The following TOP1 variants were observed in gnomAD, a reference collection of about 807,000 sequenced individuals.
The protein encoded by TOP1 is DNA topoisomerase 1.
TOP1 carries 10 observed loss-of-function variants against 111.1 expected under a neutral mutation model. The ratio of observed to expected loss-of-function variants is 0.09; its 90% confidence interval spans 0.06 to 0.15. The LOEUF (loss-of-function observed/expected upper bound fraction) is 0.15. TOP1 is among the 10% of genes least tolerant of loss of function. The pLI is 1.00. For synonymous variants in TOP1, 271 were observed against 302.9 expected, an observed-to-expected ratio of 0.89 and a Z score of 1.10; for missense variants, 474 against 926.7, an observed-to-expected ratio of 0.51 and a Z score of 6.34.
rs1213878863 is a variant in TOP1 at position 41,100,824 on chromosome 20, A to G, written c.1164-385A>G. The G allele has an allele frequency of 1.7e-5, 3 of 177,866 alleles. No homozygotes were observed. Among genetic ancestry groups the G allele is most frequent in the Non-Finnish European group, 3.6e-5 (3 of 83,514 alleles). 11.0% of individuals were successfully genotyped at this position (177,866 alleles called of 1,614,324 possible). A position where few individuals can be genotyped will look rare whatever the true frequency, so the allele number is the denominator to read the frequency against. On this transcript the variant is annotated intron_variant, in intron 12 of 20. Transcript: ENST00000361337. This position sits in a 1 kb window ranked among gnomAD's most constrained non-coding sequence, Gnocchi z 4.4. The stretch of plus-strand genomic sequence containing the variant: ...TAAGTAAAAGAAGGATTACTTGAAC[A>G]CAAGCAATGTAAAACCATTAAAGTC...
intron 2 of TOP1, among the ~76,000 whole-genome samples, chr20:41,050,460 TG>T: frequency 6.6e-6 from 1 of 152,340 alleles, no homozygotes; most frequent in Admixed American, 6.5e-5. Flanking sequence ...AACTATGCCC[TG>T]GAATTTTGGA....
intron 18 of TOP1, among the ~76,000 whole-genome samples, chr20:41,120,388 C>G (rs1282207635): frequency 6.6e-6 from 1 of 152,206 alleles, no homozygotes; most frequent in East Asian, 1.9e-4. Context: ...ATTCCAGGTT[C>G]AGTGAGCAGC....
chr20:41,101,907 A>T lies in TOP1; in HGVS notation c.1308+554A>T, dbSNP rs1027487520. 2.0e-5 allele frequency among the ~76,000 whole-genome samples: 3 copies of T among 152,228 alleles called. No homozygotes were observed. The highest frequency in any genetic ancestry group is 6.5e-5 in the Admixed American group (1 of 15,288). Reference sequence around the variant, plus strand: ...CATCATAAAACTGTGTTACATACCTATGCACTGTTATTTATTGATAGTGTT... The same window carrying T: ...CATCATAAAACTGTGTTACATACCTTTGCACTGTTATTTATTGATAGTGTT... On this transcript the variant is annotated intron_variant, in intron 13 of 20. Coordinates refer to ENST00000361337, the MANE Select transcript of TOP1 (RefSeq NM_003286.4). The surrounding 1 kb of genome is among the most constrained non-coding windows in gnomAD (Gnocchi z 4.1).
chr20:41,122,103 G>T lies in TOP1; in HGVS notation c.2143G>T (p.Ala715Ser), dbSNP rs1600608502. 3.1e-6 allele frequency: 5 copies of T among 1,614,136 alleles called. No homozygotes were observed. Among genetic ancestry groups the T allele is most frequent in the African/African-American group, 1.3e-5 (1 of 75,030 alleles). The change falls in exon 20 of 21, where the codon GCC (alanine) becomes TCC (serine). Residue 715 changes from alanine to serine, a missense_variant. Transcript: ENST00000361337. The surrounding 1 kb of genome is among the most constrained non-coding windows in gnomAD (Gnocchi z 5.4). ...ATDREENKQI[A>S]LGTSKLNYLD... ...AGACCGAGAGGAAAATAAACAGATTGCCCTGGGAACCTCCAAACTCAATTA... is the reference window on the plus strand; with the variant it reads ...AGACCGAGAGGAAAATAAACAGATTTCCCTGGGAACCTCCAAACTCAATTA...
chr20:41,086,962 G>T (rs562336055), intron 8 of TOP1, among the ~76,000 whole-genome samples: 1 of 152,328 alleles, frequency 6.6e-6, no homozygotes, highest in Admixed American at 6.5e-5. Flanking sequence ...CCAGTCCTCA[G>T]TGACTGCCAC....
At chr20:41,111,616 T>G (rs2145962801) in intron 13 of TOP1, among the ~76,000 whole-genome samples, 2 of 130,894 alleles carry the variant, frequency 1.5e-5, no homozygotes, top group South Asian at 5.8e-4. Context: ...TTTTTTTTTT[T>G]GATAGGGTCA....
At chr20:41,033,124 C>G (rs1568668353) in intron 2 of TOP1, among the ~76,000 whole-genome samples, 1 of 152,006 alleles carries the variant, frequency 6.6e-6, no homozygotes, top group African/African-American at 2.4e-5. Flanking sequence ...TCAGATCTCA[C>G]AAACAAATTT....
chr20:41,099,566 A>G (rs1188190016), intron 11 of TOP1, among the ~76,000 whole-genome samples: 1 of 152,176 alleles, frequency 6.6e-6, no homozygotes, highest in Non-Finnish European at 1.5e-5. Context: ...TTTTGGAGCA[A>G]GGATCATAGT....
chr20:41,036,832 C>CTT (rs56013409), intron 2 of TOP1, among the ~76,000 whole-genome samples: 67,158 of 127,840 alleles, frequency 0.53, 19,334 homozygotes, highest in East Asian at 0.79. Context: ...TCCTACTTTT[C>CTT]TTTTTTTTTT....
chr20:41,057,980 A>C (rs2145925096), intron 2 of TOP1, among the ~76,000 whole-genome samples: 1 of 152,348 alleles, frequency 6.6e-6, no homozygotes, highest in Non-Finnish European at 1.5e-5. Flanking sequence ...GTGGGAATCA[A>C]CTTAGCATTT....
intron 7 of TOP1, 103 bp downstream of exon 7, chr20:41,081,343 G>T (rs938962800): frequency 2.3e-5 from 31 of 1,362,856 alleles, no homozygotes; most frequent in Admixed American, 3.0e-5. Context: ...TTATTGGCTT[G>T]TTATAACATT....
Position 41,029,029 on chromosome 20 carries a change from C to G in TOP1, c.-39C>G. On this transcript the variant is annotated 5_prime_UTR_variant, in exon 1 of 21. Coordinates refer to ENST00000361337, the MANE Select transcript of TOP1 (RefSeq NM_003286.4). This position sits in a 1 kb window ranked among gnomAD's most constrained non-coding sequence, Gnocchi z 6.1. ...GTTCGCCGTCTGCGTCTCCCCCACG[C>G]CGCCTCGCCTGCCGCCGCGCTCGTC... 6.5e-7 allele frequency: 1 copy of G among 1,537,814 alleles called. No homozygotes were observed. The highest frequency in any genetic ancestry group is 1.2e-5 in the South Asian group (1 of 84,176).
intron 13 of TOP1, among the ~76,000 whole-genome samples, chr20:41,111,774 G>A (rs535698101): frequency 7.2e-5 from 11 of 152,180 alleles, no homozygotes; most frequent in African/African-American, 2.6e-4. Flanking sequence ...GAAATTAAGA[G>A]CAGAGATTCT....
At chr20:41,062,467 C>G (rs2033557292) in intron 3 of TOP1, among the ~76,000 whole-genome samples, 1 of 152,110 alleles carries the variant, frequency 6.6e-6, no homozygotes, top group Admixed American at 6.5e-5. Context: ...TTTCCCTATC[C>G]CTCACTTATC....
At chr20:41,052,151 G>T (rs1273923603) in intron 2 of TOP1, among the ~76,000 whole-genome samples, 1 of 152,092 alleles carries the variant, frequency 6.6e-6, no homozygotes, top group Non-Finnish European at 1.5e-5. Context: ...CATAGATCTA[G>T]TAGTTAAGTG....
In TOP1 at chr20:41,094,971, A is replaced by G. The variant is rs1344481986; in HGVS notation, c.731-2249A>G. 6.6e-6 allele frequency among the ~76,000 whole-genome samples: 1 copy of G among 152,226 alleles called. No individual in the cohort carries two copies. The highest frequency in any genetic ancestry group is 1.5e-5 in the Non-Finnish European group (1 of 68,042). ...CATCTTTTGACAGCTCATCTAAAAT[A>G]GGAGGAGTCACAGTTGCTTCTCCCT... On this transcript the variant is annotated intron_variant, in intron 9 of 20. Transcript: ENST00000361337. The surrounding 1 kb of genome is among the most constrained non-coding windows in gnomAD (Gnocchi z 4.4).
intron 8 of TOP1, among the ~76,000 whole-genome samples, chr20:41,085,465 A>G (rs1005248059): frequency 6.6e-6 from 1 of 152,216 alleles, no homozygotes; most frequent in Non-Finnish European, 1.5e-5. Flanking sequence ...GAACTTTTCT[A>G]CTTTTGCTGT....
chr20:41,056,398 CAATAT>C (rs1329085140), intron 2 of TOP1, among the ~76,000 whole-genome samples: 2 of 152,168 alleles, frequency 1.3e-5, no homozygotes, highest in South Asian at 4.2e-4. Context: ...TTATATAATA[CAATAT>C]AATAGTCATT....
At position 41,090,430 on chromosome 20, in the gene TOP1, CCTATT is replaced by C. The variant is rs1206891413; in HGVS notation, c.615-2039_615-2035del. ...GATACATGATTTACAAATATTTTCT[CCTATT>C]CTGTGAGTTGTCTTTCACTCTCTTG... On this transcript the variant is annotated intron_variant, in intron 8 of 20. Coordinates refer to ENST00000361337, the MANE Select transcript of TOP1 (RefSeq NM_003286.4). Among the ~76,000 whole-genome samples, 5 of 152,252 alleles carry C rather than the reference CCTATT, an allele frequency of 3.3e-5. No individual in the cohort carries two copies. In the South Asian group the frequency reaches 8.3e-4, roughly 25 times the overall value.
Sources: gnomAD v4.1 joint callset for allele counts (sites outside exome capture counted in the v4.1 genomes callset) on GRCh38, gnomAD v4.1.1 for gene constraint, Gnocchi (gnomAD v3.1) non-coding constraint, MANE v1.5 for transcripts, NCBI Gene and HGNC (gene_info 2026-07-23, HGNC 2026-07-21) for gene names.